LRRTM4: variants seen among roughly 807,000 people sequenced by gnomAD.
LRRTM4 encodes the protein leucine-rich repeat transmembrane neuronal protein 4.
Under a neutral mutation model 47.6 loss-of-function variants are expected in LRRTM4, and 25 were observed. That is an observed-to-expected ratio of 0.53 (90% CI 0.38 to 0.73). The LOEUF is 0.73. Among genes scored for constraint, LRRTM4 ranks in the 30% least tolerant of loss-of-function variants. The pLI is 0.00. For missense variants in LRRTM4, 638 were observed against 713.4 expected, an observed-to-expected ratio of 0.89 and a Z score of 1.20; for synonymous variants, 311 against 269.5, an observed-to-expected ratio of 1.15 and a Z score of -1.51.
At chr2:77,032,538 G>T (rs1465723904) in intron 3 of LRRTM4, among the ~76,000 whole-genome samples, 5 of 151,882 alleles carry the variant, frequency 3.3e-5, no homozygotes, top group Non-Finnish European at 7.4e-5. Context: ...TATATTTTTT[G>T]AATAATTGAA....
intron 3 of LRRTM4, among the ~76,000 whole-genome samples, chr2:77,350,319 C>A (rs547905518): frequency 2.3e-5 from 2 of 87,204 alleles, no homozygotes; most frequent in Non-Finnish European, 4.0e-5. Context: ...GGCGACAGAG[C>A]AAGACTCCGT....
chr2:77,311,968 C>T (rs1573234490), intron 3 of LRRTM4, among the ~76,000 whole-genome samples: 2 of 152,032 alleles, frequency 1.3e-5, no homozygotes, highest in East Asian at 3.9e-4. Flanking sequence ...TCCTTACTAC[C>T]CCACAAATAA....
chr2:76,908,610 A>T (rs1302337572), intron 3 of LRRTM4, among the ~76,000 whole-genome samples: 1 of 152,194 alleles, frequency 6.6e-6, no homozygotes, highest in Non-Finnish European at 1.5e-5. Context: ...TCTCAGCCCA[A>T]AATCTCCTTA....
chr2:77,132,173 C>A (rs1261639229), intron 3 of LRRTM4, among the ~76,000 whole-genome samples: 2 of 152,178 alleles, frequency 1.3e-5, no homozygotes, highest in Non-Finnish European at 2.9e-5. Flanking sequence ...CCTCTGGTAA[C>A]TATCATTCTA....
intron 3 of LRRTM4, among the ~76,000 whole-genome samples, chr2:77,250,935 CT>C (rs1218375811): frequency 6.6e-6 from 1 of 151,968 alleles, no homozygotes; most frequent in African/African-American, 2.4e-5. Flanking sequence ...GAAACCCCAT[CT>C]CTACTAAAAA....
rs1201743067 is a variant in LRRTM4 at position 76,748,217 on chromosome 2, G to GA, written c.*477dup. On this transcript the variant is annotated 3_prime_UTR_variant, in exon 4 of 4. Coordinates refer to ENST00000409884, the MANE Select transcript of LRRTM4 (RefSeq NM_001134745.3). ...AACAAGAACAAACAGCATTTTTAAA[G>GA]AAAAAATAAATGAAAGCAATTTAAA... The GA allele has an allele frequency of 6.5e-6, 1 of 153,552 alleles. No individual in the cohort carries two copies. Among genetic ancestry groups the GA allele is most frequent in the East Asian group, 1.9e-4 (1 of 5,206 alleles). 9.5% of individuals were successfully genotyped at this position (153,552 alleles called of 1,614,324 possible).
intron 3 of LRRTM4, among the ~76,000 whole-genome samples, chr2:77,037,816 G>T (rs1280884188): frequency 6.6e-6 from 1 of 151,660 alleles, no homozygotes; most frequent in Non-Finnish European, 1.5e-5. Flanking sequence ...GATTGCAAGT[G>T]CTCTCTCAGT....
intron 3 of LRRTM4, among the ~76,000 whole-genome samples, chr2:77,367,534 T>C (rs1224534888): frequency 6.6e-6 from 1 of 151,896 alleles, no homozygotes; most frequent in African/African-American, 2.4e-5. Context: ...CACCCTTTTT[T>C]GCTCCAACTT....
At chr2:76,861,142 T>A (rs1019161306) in intron 3 of LRRTM4, among the ~76,000 whole-genome samples, 1 of 152,142 alleles carries the variant, frequency 6.6e-6, no homozygotes, top group African/African-American at 2.4e-5. Flanking sequence ...TTTACTTATG[T>A]TTAAATTCAG....
chr2:76,936,954 CAAAAAAAAAAAAAAA>C (rs56140303), intron 3 of LRRTM4, among the ~76,000 whole-genome samples: 13 of 22,694 alleles, frequency 5.7e-4, no homozygotes, highest in East Asian at 1.2e-3. Context: ...GACTCCATCT[CAAAAAAAAAAAAAAA>C]AAAAAAAAAA....
At chr2:76,801,558 A>G (rs1274018601) in intron 3 of LRRTM4, among the ~76,000 whole-genome samples, 1 of 152,100 alleles carries the variant, frequency 6.6e-6, no homozygotes, top group Admixed American at 6.5e-5. Flanking sequence ...AGATATACCT[A>G]ATGCTAGATG....
At chr2:76,906,666 T>C (rs1012384555) in intron 3 of LRRTM4, among the ~76,000 whole-genome samples, 18 of 151,470 alleles carry the variant, frequency 1.2e-4, no homozygotes, top group South Asian at 6.3e-4. Flanking sequence ...ACCAAGCCAA[T>C]GGAAAACAAA....
At chr2:77,246,950 C>T (rs908715957) in intron 3 of LRRTM4, among the ~76,000 whole-genome samples, 1 of 151,890 alleles carries the variant, frequency 6.6e-6, no homozygotes, top group African/African-American at 2.4e-5. Context: ...TTCCCAGAGG[C>T]AAATATGCCA....
chr2:77,216,737 G>A (rs995335706), intron 3 of LRRTM4, among the ~76,000 whole-genome samples: 5 of 151,732 alleles, frequency 3.3e-5, no homozygotes, highest in African/African-American at 9.7e-5. Context: ...AGCATATTTC[G>A]GCGGCTTTCA....
At position 77,154,673 on chromosome 2, in the gene LRRTM4, A is replaced by C. The variant is rs143189354; in HGVS notation, c.1551+363645T>G. Among the ~76,000 whole-genome samples, 811 of 152,264 alleles carry C rather than the reference A, an allele frequency of 5.3e-3. 7 individuals are homozygous for C. The highest frequency in any genetic ancestry group is 0.017 in the Middle Eastern group (5 of 294). ...ACAAAGGTAATTTACATTTATACTT[A>C]AGAATATTTAGCATAAAATTCTTTA... On this transcript the variant is annotated intron_variant, in intron 3 of 3. Coordinates refer to ENST00000409884, the MANE Select transcript of LRRTM4 (RefSeq NM_001134745.3).
chr2:77,139,023 C>G (rs1475027447), intron 3 of LRRTM4, among the ~76,000 whole-genome samples: 1 of 152,114 alleles, frequency 6.6e-6, no homozygotes, highest in Non-Finnish European at 1.5e-5. Flanking sequence ...GATGGATTCA[C>G]AGACAAATTC....
At chr2:76,920,408 T>G (rs1200157045) in intron 3 of LRRTM4, among the ~76,000 whole-genome samples, 1 of 152,168 alleles carries the variant, frequency 6.6e-6, no homozygotes, top group East Asian at 1.9e-4. Flanking sequence ...TCTCCAGGCT[T>G]GAATGTTTGG....
intron 3 of LRRTM4, among the ~76,000 whole-genome samples, chr2:77,110,671 T>A (rs770918413): frequency 6.6e-6 from 1 of 152,176 alleles, no homozygotes; most frequent in African/African-American, 2.4e-5. Context: ...AAATATACCA[T>A]GCAATATTGA....
chr2:76,811,440 C>G (rs1169403939), intron 3 of LRRTM4, among the ~76,000 whole-genome samples: 1 of 152,126 alleles, frequency 6.6e-6, no homozygotes, highest in Non-Finnish European at 1.5e-5. Context: ...GCTGGGGACT[C>G]TTGGGAGGAA....
Sources: allele counts gnomAD v4.1 joint callset (sites outside exome capture counted in the v4.1 genomes callset), GRCh38; gene constraint gnomAD v4.1.1; transcripts MANE v1.5; gene names NCBI Gene and HGNC (gene_info 2026-07-23, HGNC 2026-07-21).